PLA2G4F: variants seen among roughly 807,000 people sequenced by gnomAD.
PLA2G4F encodes phospholipase A2 group IVF.
In PLA2G4F, 105 loss-of-function variants were observed where a neutral mutation model predicts 103.1. The ratio of observed to expected loss-of-function variants is 1.02; its 90% CI spans 0.87 to 1.20. PLA2G4F has a LOEUF of 1.20. Ranked by LOEUF, PLA2G4F falls within the 50% of genes most tolerant of loss-of-function variation. PLA2G4F has a pLI of 0.00. For synonymous variants in PLA2G4F, 468 were observed against 441.1 expected (o/e 1.06, Z -0.76); for missense variants, 1,155 against 1,075.9 (o/e 1.07, Z -1.03).
In PLA2G4F at chr15:42,141,771, T is replaced by G; in HGVS notation, c.*213A>C. On this transcript the variant is annotated 3_prime_UTR_variant, in exon 20 of 20. Coordinates refer to ENST00000397272, the MANE Select transcript of PLA2G4F (RefSeq NM_213600.4). ...CCCAAGAGTCCCTGGAGCGATCTAC[T>G]GCCCATCTTCTCCAAAAACACACAA... 1.6e-6 allele frequency: 1 copy of G among 622,122 alleles called. No homozygotes were observed. The allele number at this position is 622,122 out of a possible 1,614,324, so 38.5% of individuals were successfully genotyped here.
intron 6 of PLA2G4F, 75 bp from the exon 7 acceptor site, chr15:42,152,829 A>G (rs1322360481): frequency 7.1e-7 from 1 of 1,412,678 alleles, no homozygotes; most frequent in Non-Finnish European, 9.7e-7. Flanking sequence ...AGGAGTGCCT[A>G]GGGCAGGGTC....
At chr15:42,147,372 C>T (rs1175388468) in intron 12 of PLA2G4F, 26 bp from the exon 13 acceptor site, 7 of 1,591,386 alleles carry the variant, frequency 4.4e-6, no homozygotes, top group Non-Finnish European at 6.0e-6. Flanking sequence ...GTGCCTGAGT[C>T]AGGGGCAGGA....
chr15:42,144,950 T>C (rs1273877794), intron 16 of PLA2G4F, among the ~76,000 whole-genome samples: 1 of 152,258 alleles, frequency 6.6e-6, no homozygotes, highest in Admixed American at 6.5e-5. Flanking sequence ...CATTAAACAC[T>C]GACTGAGCAA....
Position 42,149,709 on chromosome 15 carries a change from G to T in PLA2G4F, c.1059+4C>A. On this transcript the variant is annotated splice_donor_region_variant and intron_variant, in intron 11 of 19. Transcript: ENST00000397272. ...TGGGGTCCAGCTCCTCCTCCATTACGTACCTGGCCACTGTCCAGAGCCTCA... is the reference window on the plus strand; with the variant it reads ...TGGGGTCCAGCTCCTCCTCCATTACTTACCTGGCCACTGTCCAGAGCCTCA... 6.2e-7 allele frequency: 1 copy of T among 1,614,038 alleles called. No homozygotes were observed. The highest frequency in any genetic ancestry group is 8.5e-7 in the Non-Finnish European group (1 of 1,179,984).
At chr15:42,155,008 G>A (rs906305138) in intron 2 of PLA2G4F, among the ~76,000 whole-genome samples, 3 of 151,422 alleles carry the variant, frequency 2.0e-5, no homozygotes, top group African/African-American at 4.9e-5. Flanking sequence ...ACACACACAC[G>A]TATATACACA....
rs1595618006 is a variant in PLA2G4F, at chr15:42,145,685, A to G, written c.1673-3T>C. 1 of 1,613,986 alleles carries G rather than the reference A, an allele frequency of 6.2e-7. No individual in the cohort carries two copies. The highest frequency in any genetic ancestry group is 2.2e-5 in the East Asian group (1 of 44,876). ...GGCAAAGGCGCTGCCCCACATACCTAAGGAGACAGGCAGGCCCCCACCCCA... is the reference window on the plus strand; with the variant it reads ...GGCAAAGGCGCTGCCCCACATACCTGAGGAGACAGGCAGGCCCCCACCCCA... On this transcript the variant is annotated splice_region_variant and splice_polypyrimidine_tract_variant and intron_variant, in intron 15 of 19. Transcript: ENST00000397272.
In PLA2G4F at chr15:42,153,670, G is replaced by A; in HGVS notation, c.451-10C>T. 1.2e-6 allele frequency: 2 copies of A among 1,614,070 alleles called. No homozygotes were observed. The highest frequency in any genetic ancestry group is 2.2e-5 in the East Asian group (1 of 44,868). On this transcript the variant is annotated splice_polypyrimidine_tract_variant and intron_variant, in intron 4 of 19. Coordinates refer to ENST00000397272, the MANE Select transcript of PLA2G4F (RefSeq NM_213600.4). Reference sequence around the variant, plus strand: ...GCAGCTCTTGTGAATCCTACATGGAGGGGGAGGGAGCACCAATTTTTTCAA... The same window carrying A: ...GCAGCTCTTGTGAATCCTACATGGAAGGGGAGGGAGCACCAATTTTTTCAA...
intron 7 of PLA2G4F, chr15:42,151,592 G>A: frequency 2.0e-6 from 2 of 985,404 alleles, no homozygotes; most frequent in Non-Finnish European, 2.4e-6. Context: ...AGGTCCAGAG[G>A]AGTCCCTGCC....
Position 42,152,316 on chromosome 15 carries a change from G to A in PLA2G4F, c.601+372C>T, listed in dbSNP as rs1334924196. ...TCTCTTGTTCCTCTGCTGATGCCTT[G>A]AGAACATGCCCAGGCTAATGGGCTT... On this transcript the variant is annotated intron_variant, in intron 7 of 19. Coordinates refer to ENST00000397272, the MANE Select transcript of PLA2G4F (RefSeq NM_213600.4). Among the ~76,000 whole-genome samples, 7 of 152,178 alleles carry A rather than the reference G, an allele frequency of 4.6e-5. No homozygotes were observed. The East Asian group carries it at 1.3e-3, about 29-fold the overall frequency.
rs377757066 is a variant in PLA2G4F, at chr15:42,146,161, G to A, written c.1500C>T (p.Asn500=). The part of the protein sequence containing the change: ...QNPYPIYTSV[N]VRTNLSGEDF... ...CTTCCCCACTCAAGTTGGTGCGGAC[G>A]TTGACACTGGTGTAAATGGGGTAAG... The change falls in exon 14 of 20, where the codon AAC becomes AAT. Residue 500 remains asparagine (N), a synonymous_variant. Transcript: ENST00000397272. 45 of 1,614,242 alleles carry A rather than the reference G, an allele frequency of 2.8e-5. No individual in the cohort carries two copies. The highest frequency in any genetic ancestry group is 1.6e-4 in the Middle Eastern group (1 of 6,062).
intron 2 of PLA2G4F, among the ~76,000 whole-genome samples, 198 bp downstream of exon 2, chr15:42,155,319 T>C (rs1040247273): frequency 3.3e-5 from 5 of 151,584 alleles, no homozygotes; most frequent in African/African-American, 9.7e-5. Context: ...CGTATACACA[T>C]GTACTCACAC....
rs1341385540 is a variant in PLA2G4F, at chr15:42,140,356, G to A, written c.*1628C>T. On this transcript the variant is annotated 3_prime_UTR_variant, in exon 20 of 20. Coordinates refer to ENST00000397272, the MANE Select transcript of PLA2G4F (RefSeq NM_213600.4). ...GATTCTAAGTTGTGAACGCTGTGCA[G>A]TTCTGAGCTGTGAACCCTATGAAGG... The A allele has an allele frequency of 6.6e-6, 1 of 152,262 alleles. No homozygotes were observed. The highest frequency in any genetic ancestry group is 1.5e-5 in the Non-Finnish European group (1 of 68,072). The allele number at this position is 152,262 out of a possible 1,614,324, so 9.4% of individuals were successfully genotyped here. A position where few individuals can be genotyped will look rare whatever the true frequency, so the allele number is the denominator to read the frequency against.
intron 13 of PLA2G4F, 40 bp downstream of exon 13, chr15:42,147,084 G>A (rs1414694373): frequency 1.3e-6 from 2 of 1,561,986 alleles, no homozygotes; most frequent in South Asian, 1.1e-5. Flanking sequence ...TGGAAGGAGT[G>A]GAGAGGAGCC....
chr15:42,145,436 G>A (rs1595617770), intron 16 of PLA2G4F, 139 bp downstream of exon 16: 2 of 841,910 alleles, frequency 2.4e-6, no homozygotes, highest in South Asian at 3.1e-5. Flanking sequence ...CCCTAAGCTA[G>A]AAGTCATTTC....
Position 42,154,367 on chromosome 15 carries a change from G to A in PLA2G4F, c.276C>T (p.Pro92=), listed in dbSNP as rs777838051. The change falls in exon 3 of 20, where the codon CCC becomes CCT. Residue 92 remains proline, a synonymous_variant. Transcript: ENST00000397272. ...GGTAGTGGAAGGTCTCATTCCACTC[G>A]GGGTCACTGCAGTTGGCCACTATCC... is the stretch of plus-strand genomic sequence containing the variant. ...QTRIVANCSD[P]EWNETFHYQI... is the part of the protein sequence containing the mutation. 17 of 1,611,886 alleles carry A rather than the reference G, an allele frequency of 1.1e-5. No homozygotes were observed. The highest frequency in any genetic ancestry group is 5.5e-5 in the South Asian group (5 of 90,858).
chr15:42,151,212 G>A (rs945090778), intron 7 of PLA2G4F: 31 of 985,348 alleles, frequency 3.1e-5, no homozygotes, highest in Non-Finnish European at 3.6e-5. Flanking sequence ...TAGGCTGCAA[G>A]TTGTTCTGGC....
Position 42,150,433 on chromosome 15 carries a change from GC to G in PLA2G4F, c.824del (p.Gly275AlafsTer9). On this transcript the variant is annotated frameshift_variant, in exon 9 of 20. Coordinates refer to ENST00000397272, the MANE Select transcript of PLA2G4F (RefSeq NM_213600.4). LOFTEE classifies it high-confidence loss of function. ...CTAGGGGCAGAGAGGAGAGCAGGAT[GC>G]CCCCCTCGCCCAGCTTGCTGGTCTG... is the stretch of plus-strand genomic sequence containing the variant. ...EAQTSKLGEGGILLSSLPLGQ... is the reference protein window; with the variant it reads ...EAQTSKLGEGXILLSSLPLGQ... The G allele has an allele frequency of 1.9e-6, 3 of 1,613,426 alleles. No individual in the cohort carries two copies. Among genetic ancestry groups the G allele is most frequent in the African/African-American group, 1.3e-5 (1 of 75,008 alleles).
rs75560163 is a variant in PLA2G4F at position 42,142,138 on chromosome 15, G to C, written c.2396C>G (p.Pro799Arg). 8,270 of 1,614,186 alleles carry C rather than the reference G, an allele frequency of 5.1e-3. 393 individuals carry two copies. In the East Asian group the frequency reaches 0.12, roughly 23 times the overall value. The change falls in exon 20 of 20, where the codon CCC becomes CGC. Residue 799 changes from proline (P) to arginine (R), a missense_variant. Pro to Arg is a moderately radical substitution (Grantham distance 103). This residue lies in a region of PLA2G4F where 782 missense variants were observed against 692.9 expected (regional missense o/e 1.13). Coordinates refer to ENST00000397272, the MANE Select transcript of PLA2G4F (RefSeq NM_213600.4). ...ATAGGTGAAGTTCATCATGCCATAGGGGGTGTCTGGCCTGTTGATGACAAA... is the reference window on the plus strand; with the variant it reads ...ATAGGTGAAGTTCATCATGCCATAGCGGGTGTCTGGCCTGTTGATGACAAA... ...GDFVINRPDTPYGMMNFTYEP... is the reference protein window; with the variant it reads ...GDFVINRPDTRYGMMNFTYEP...
intron 13 of PLA2G4F, 24 bp from the exon 14 acceptor site, chr15:42,146,265 G>C: frequency 1.9e-6 from 3 of 1,607,698 alleles, no homozygotes. Flanking sequence ...AAGGGAGGCA[G>C]CTTGGCCTTT....
Sources: gnomAD v4.1 joint callset for allele counts (sites outside exome capture counted in the v4.1 genomes callset) on GRCh38, gnomAD v4.1.1 for gene constraint, gnomAD v4.1.1 regional missense constraint, MANE v1.5 for transcripts, NCBI Gene and HGNC (gene_info 2026-07-23, HGNC 2026-07-21) for gene names.